TCP11L2: variants seen among roughly 807,000 people sequenced by gnomAD.
TCP11L2 encodes t-complex 11 like 2.
A neutral mutation model predicts 50.7 loss-of-function variants in TCP11L2; 39 were observed. That is an observed-to-expected ratio of 0.77 (90% CI 0.60 to 1.01). The LOEUF (loss-of-function observed/expected upper bound fraction) is 1.01, where lower values mean the gene tolerates loss of function less well. Among genes scored for constraint, TCP11L2 ranks in the 50% least tolerant of loss-of-function variants. TCP11L2 has a pLI of 0.00. For missense variants in TCP11L2, 612 were observed against 614.7 expected, an observed-to-expected ratio of 1.00 and a Z score of 0.05; for synonymous variants, 192 against 219.3, an observed-to-expected ratio of 0.88 and a Z score of 1.10.
At chr12:106,332,335 C>T (rs1048558299) in intron 6 of TCP11L2, among the ~76,000 whole-genome samples, 28 of 152,318 alleles carry the variant, frequency 1.8e-4, no homozygotes, top group African/African-American at 6.0e-4. Flanking sequence ...CTTACATTCA[C>T]ACAGAAACCT....
intron 4 of TCP11L2, among the ~76,000 whole-genome samples, chr12:106,320,128 C>G (rs540293947): frequency 6.6e-6 from 1 of 152,304 alleles, no homozygotes; most frequent in Non-Finnish European, 1.5e-5. Flanking sequence ...CAGCTGGGCG[C>G]GGCGGCTCAT....
At position 106,329,198 on chromosome 12, in the gene TCP11L2, C is replaced by A. The variant is rs1424050755; in HGVS notation, c.772+5552C>A. ...CTCTCCCTTACTAGACTAGGAACTTCTCGAGTGCAGGGACTGTGCTTATTT... is the reference window on the plus strand; with the variant it reads ...CTCTCCCTTACTAGACTAGGAACTTATCGAGTGCAGGGACTGTGCTTATTT... On this transcript the variant is annotated intron_variant, in intron 6 of 9. Transcript: ENST00000299045. The A allele has an allele frequency of 2.7e-6, 3 of 1,101,702 alleles. No homozygotes were observed. In the African/African-American group the frequency reaches 4.7e-5, roughly 17 times the overall value. The allele number at this position is 1,101,702 out of a possible 1,614,324, so 68.2% of individuals were successfully genotyped here.
At chr12:106,301,299 C>T (rs754097477), upstream of TCP11L2, among the ~76,000 whole-genome samples, 2 of 152,174 alleles carry the variant, frequency 1.3e-5, no homozygotes, top group Non-Finnish European at 2.9e-5. Context: ...TTATACAGAT[C>T]ACCAGCTAAG....
intron 6 of TCP11L2, among the ~76,000 whole-genome samples, chr12:106,327,473 C>G (rs1032025622): frequency 3.3e-5 from 5 of 152,174 alleles, no homozygotes. Flanking sequence ...AGCCACTGCA[C>G]CTGGCTTGCT....
intron 6 of TCP11L2, among the ~76,000 whole-genome samples, chr12:106,326,932 A>G (rs961994432): frequency 4.6e-5 from 7 of 152,192 alleles, no homozygotes; most frequent in African/African-American, 1.7e-4. Context: ...GGGAGGGAGT[A>G]AAGTGAAGTA....
At chr12:106,341,110 G>C in intron 9 of TCP11L2, 112 bp downstream of exon 9, 1 of 845,474 alleles carries the variant, frequency 1.2e-6, no homozygotes, top group East Asian at 2.5e-5. Context: ...CACTTTTGGA[G>C]GATAAATATT....
At chr12:106,301,933 A>G (rs1450222875), upstream of TCP11L2, 2 of 152,228 alleles carry the variant, frequency 1.3e-5, no homozygotes, top group Non-Finnish European at 2.9e-5. Context: ...TTTTGCACGC[A>G]CGCCAAGTCT....
At chr12:106,316,102 C>T (rs1489661462) in intron 3 of TCP11L2, among the ~76,000 whole-genome samples, 1 of 58,226 alleles carries the variant, frequency 1.7e-5, no homozygotes, top group Non-Finnish European at 3.4e-5. Flanking sequence ...TGTTTGGTTT[C>T]CTTTGGTAAC....
chr12:106,311,218 C>G lies in TCP11L2; in HGVS notation c.143C>G (p.Ser48Cys). 6.2e-7 allele frequency: 1 copy of G among 1,613,886 alleles called. No homozygotes were observed. The highest frequency in any genetic ancestry group is 8.5e-7 in the Non-Finnish European group (1 of 1,179,918). The change falls in exon 2 of 10, where the codon TCC becomes TGC. Residue 48 changes from serine (S) to cysteine (C), a missense_variant. Coordinates refer to ENST00000299045, the MANE Select transcript of TCP11L2 (RefSeq NM_152772.3). ...TTTGCAAGTGACTCCTCCAGCAAATCCAGCTCTCCTGCTTGTGAGCCGATG... is the reference window on the plus strand; with the variant it reads ...TTTGCAAGTGACTCCTCCAGCAAATGCAGCTCTCCTGCTTGTGAGCCGATG... ...QSFASDSSSK[S>C]SSPASTSPPR...
chr12:106,340,027 A>G (rs2136822382), intron 8 of TCP11L2, among the ~76,000 whole-genome samples: 1 of 152,392 alleles, frequency 6.6e-6, no homozygotes, highest in East Asian at 1.9e-4. Flanking sequence ...CCAGCTCCAC[A>G]TAACACCATA....
At chr12:106,317,531 T>A (rs551483054) in intron 3 of TCP11L2, among the ~76,000 whole-genome samples, 1 of 152,150 alleles carries the variant, frequency 6.6e-6, no homozygotes, top group Admixed American at 6.5e-5. Context: ...AAAAGAGATA[T>A]ACTTATCAAA....
chr12:106,300,310 C>T (rs2034389132), upstream of TCP11L2, among the ~76,000 whole-genome samples: 1 of 151,972 alleles, frequency 6.6e-6, no homozygotes, highest in Admixed American at 6.5e-5. Context: ...TACAGCACTC[C>T]ATTTTTTCAA....
upstream of TCP11L2, among the ~76,000 whole-genome samples, chr12:106,301,594 G>A (rs2034416159): frequency 6.6e-6 from 1 of 152,110 alleles, no homozygotes; most frequent in Non-Finnish European, 1.5e-5. Context: ...GAACGGTGGT[G>A]GCCAATCTGC....
chr12:106,302,585 C>T (rs1349829952), upstream of TCP11L2, among the ~76,000 whole-genome samples: 1 of 151,726 alleles, frequency 6.6e-6, no homozygotes, highest in African/African-American at 2.4e-5. Context: ...ATCCGAAACA[C>T]CCTCCCATCC....
At chr12:106,326,593 C>T (rs1279287513) in intron 6 of TCP11L2, among the ~76,000 whole-genome samples, 3 of 152,152 alleles carry the variant, frequency 2.0e-5, no homozygotes, top group African/African-American at 7.2e-5. Context: ...ATCACACTAG[C>T]CCTATGAGGT....
At chr12:106,341,029 T>C (rs749006930) in intron 9 of TCP11L2, 31 bp downstream of exon 9, 1 of 1,572,996 alleles carries the variant, frequency 6.4e-7, no homozygotes, top group South Asian at 1.2e-5. Context: ...CTGCTTCAAT[T>C]CCAATTTGCT....
At chr12:106,303,270 C>G (rs916514204) in intron 1 of TCP11L2, 7 of 152,802 alleles carry the variant, frequency 4.6e-5, no homozygotes, top group African/African-American at 1.7e-4. Flanking sequence ...AGCGGCATCC[C>G]GCCATCAGGG....
chr12:106,313,582 AAAATAAATAAATAAAT>A (rs71072668), intron 2 of TCP11L2, among the ~76,000 whole-genome samples: 3 of 139,334 alleles, frequency 2.2e-5, no homozygotes, highest in East Asian at 2.0e-4. Context: ...CCATCTCAAA[AAAATAAATAAATAAAT>A]AAATAAATAA....
In TCP11L2 at chr12:106,302,915, TCTC is replaced by T. The variant is rs2034474149; in HGVS notation, c.-58_-56del. ...TGACCCGGGGTCACTCCGTCGCCGT[TCTC>T]CTCTTGTCTACGTGCTGGACCCGGT... On this transcript the variant is annotated 5_prime_UTR_variant, in exon 1 of 10. Coordinates refer to ENST00000299045, the MANE Select transcript of TCP11L2 (RefSeq NM_152772.3). 1 of 152,100 alleles carries T rather than the reference TCTC, an allele frequency of 6.6e-6. No individual in the cohort carries two copies. The highest frequency in any genetic ancestry group is 1.5e-5 in the Non-Finnish European group (1 of 68,096). The allele number at this position is 152,100 out of a possible 1,614,324, so 9.4% of individuals were successfully genotyped here.
Sources: gnomAD v4.1 joint callset for allele counts (sites outside exome capture counted in the v4.1 genomes callset) on GRCh38, gnomAD v4.1.1 for gene constraint, MANE v1.5 for transcripts, NCBI Gene and HGNC (gene_info 2026-07-23, HGNC 2026-07-21) for gene names.